SPTBN1: variants seen among roughly 807,000 people sequenced by gnomAD.
The protein encoded by SPTBN1 is spectrin beta chain, non-erythrocytic 1.
SPTBN1 carries 32 observed loss-of-function variants against 266.4 expected under a neutral mutation model. The observed-to-expected ratio is 0.12, with a 90% CI of 0.09 to 0.16. The LOEUF is 0.16. Ranked by LOEUF, SPTBN1 falls within the 10% of genes least tolerant of loss-of-function variation. SPTBN1 has a pLI of 1.00. For synonymous variants in SPTBN1, 1,336 were observed against 1,162.2 expected (o/e 1.15, Z -3.04); for missense variants, 2,296 against 3,067.1 (o/e 0.75, Z 5.94).
At chr2:54,625,290 A>C (rs1358046902) in intron 11 of SPTBN1, among the ~76,000 whole-genome samples, 2 of 152,188 alleles carry the variant, frequency 1.3e-5, no homozygotes, top group Admixed American at 6.5e-5. Flanking sequence ...CGAGGCAGTT[A>C]GACTGGTTGT....
intron 1 of SPTBN1, among the ~76,000 whole-genome samples, chr2:54,512,938 C>T (rs767836686): frequency 5.3e-5 from 8 of 152,310 alleles, no homozygotes; most frequent in Non-Finnish European, 1.0e-4. Flanking sequence ...GTGGCTTAGG[C>T]ATGTAATCCC....
At chr2:54,463,311 G>A (rs558504982) in intron 1 of SPTBN1, among the ~76,000 whole-genome samples, 2 of 152,376 alleles carry the variant, frequency 1.3e-5, no homozygotes, top group Admixed American at 6.5e-5. Flanking sequence ...TGGTGATGAT[G>A]ACAAATAGAC....
intron 1 of SPTBN1, among the ~76,000 whole-genome samples, chr2:54,483,362 G>A (rs1668194362): frequency 6.6e-6 from 1 of 152,200 alleles, no homozygotes; most frequent in East Asian, 1.9e-4. Context: ...TAAGATCCAA[G>A]GAAGGTAGGG....
intron 3 of SPTBN1, among the ~76,000 whole-genome samples, chr2:54,611,655 A>T (rs1228396233): frequency 1.3e-5 from 2 of 151,816 alleles, no homozygotes; most frequent in Non-Finnish European, 2.9e-5. Context: ...CTTAACCTTC[A>T]CCCCATCCCT....
At chr2:54,479,891 C>T (rs1263103560) in intron 1 of SPTBN1, among the ~76,000 whole-genome samples, 5 of 151,644 alleles carry the variant, frequency 3.3e-5, no homozygotes, top group Admixed American at 6.6e-5. Context: ...GGCAAGGTCT[C>T]ACTGTGTTGC....
intron 1 of SPTBN1, among the ~76,000 whole-genome samples, chr2:54,477,635 T>C (rs762644211): frequency 4.5e-4 from 68 of 152,246 alleles, no homozygotes; most frequent in Non-Finnish European, 7.2e-4. Context: ...ACTGGTAGGC[T>C]GGGCGCGGTG....
chr2:54,609,886 G>A (rs1291266844), intron 3 of SPTBN1, among the ~76,000 whole-genome samples: 3 of 152,196 alleles, frequency 2.0e-5, no homozygotes, highest in East Asian at 1.9e-4. Context: ...TCCCTTCAAG[G>A]CTCAAAGGTT....
intron 1 of SPTBN1, among the ~76,000 whole-genome samples, chr2:54,483,625 T>C (rs1668206335): frequency 6.6e-6 from 1 of 152,204 alleles, no homozygotes; most frequent in Non-Finnish European, 1.5e-5. Context: ...TGTTGCTTTC[T>C]GTGAGCCCAC....
At chr2:54,612,686 C>T (rs958021912) in intron 4 of SPTBN1, among the ~76,000 whole-genome samples, 6 of 152,170 alleles carry the variant, frequency 3.9e-5, no homozygotes, top group South Asian at 2.1e-4. Context: ...GGTATAAGGA[C>T]GTGGCCAATG....
chr2:54,545,162 T>C (rs1343562985), intron 2 of SPTBN1, among the ~76,000 whole-genome samples: 1 of 152,234 alleles, frequency 6.6e-6, no homozygotes, highest in Non-Finnish European at 1.5e-5. Flanking sequence ...ACATTTTCTT[T>C]ATCCAATGTA....
At chr2:54,587,041 T>C (rs756865452) in intron 2 of SPTBN1, among the ~76,000 whole-genome samples, 1 of 152,220 alleles carries the variant, frequency 6.6e-6, no homozygotes, top group Non-Finnish European at 1.5e-5. Flanking sequence ...GAGCATGTTA[T>C]TTGATTTTTT....
In SPTBN1 at chr2:54,628,843, A is replaced by T. The variant is rs549864669; in HGVS notation, c.1799-90A>T. Reference sequence around the variant, plus strand: ...TTAGCAGTGAGCTGGTAATCATAAGAATATGGGGTGTAGCTTACTGCCTGC... The same window carrying T: ...TTAGCAGTGAGCTGGTAATCATAAGTATATGGGGTGTAGCTTACTGCCTGC... On this transcript the variant is annotated intron_variant, in intron 13 of 35. Transcript: ENST00000356805. This position sits in a 1 kb window ranked among gnomAD's most constrained non-coding sequence, Gnocchi z 4.3. 1.3e-5 allele frequency: 19 copies of T among 1,474,894 alleles called. No homozygotes were observed. In the African/African-American group the frequency reaches 2.1e-4, roughly 16 times the overall value. 91.4% of individuals were successfully genotyped at this position (1,474,894 alleles called of 1,614,324 possible).
intron 2 of SPTBN1, among the ~76,000 whole-genome samples, chr2:54,576,572 G>A (rs944986843): frequency 3.3e-5 from 5 of 152,204 alleles, no homozygotes; most frequent in Admixed American, 1.3e-4. Context: ...TAGTTGATGC[G>A]CCACAGCTGC....
chr2:54,606,684 A>T (rs934528076), intron 3 of SPTBN1, among the ~76,000 whole-genome samples: 2 of 152,212 alleles, frequency 1.3e-5, no homozygotes, highest in Non-Finnish European at 1.5e-5. Flanking sequence ...AGACAAAAGG[A>T]AAAACTTAAA....
intron 1 of SPTBN1, among the ~76,000 whole-genome samples, chr2:54,460,812 C>T (rs962291325): frequency 6.6e-6 from 1 of 152,138 alleles, no homozygotes; most frequent in African/African-American, 2.4e-5. Context: ...ACCAGCCTGG[C>T]CAACATGGTG....
At chr2:54,461,816 A>G (rs1693383135) in intron 1 of SPTBN1, among the ~76,000 whole-genome samples, 1 of 152,266 alleles carries the variant, frequency 6.6e-6, no homozygotes, top group African/African-American at 2.4e-5. Flanking sequence ...TTTGTGGATT[A>G]CATGTCTTGC....
intron 2 of SPTBN1, among the ~76,000 whole-genome samples, chr2:54,530,555 C>T (rs572468866): frequency 4.6e-5 from 7 of 151,900 alleles, no homozygotes; most frequent in African/African-American, 1.2e-4. Context: ...GACGGGGTTT[C>T]GCCGTGTTAT....
At chr2:54,535,380 G>T (rs1004110590) in intron 2 of SPTBN1, among the ~76,000 whole-genome samples, 5 of 152,172 alleles carry the variant, frequency 3.3e-5, no homozygotes, top group African/African-American at 1.2e-4. Context: ...GAAATCCCAT[G>T]TACGTTAGCG....
chr2:54,667,090 C>A (rs1681419335), intron 34 of SPTBN1, among the ~76,000 whole-genome samples: 1 of 152,208 alleles, frequency 6.6e-6, no homozygotes, highest in Non-Finnish European at 1.5e-5. Context: ...CCCTTCCAAG[C>A]CTGGGGACCT....
Sources: allele counts gnomAD v4.1 joint callset (sites outside exome capture counted in the v4.1 genomes callset), GRCh38; gene constraint gnomAD v4.1.1; non-coding constraint Gnocchi (gnomAD v3.1); transcripts MANE v1.5; gene names NCBI Gene and HGNC (gene_info 2026-07-23, HGNC 2026-07-21).